SNAP91: variants seen among roughly 807,000 people sequenced by gnomAD.
The protein encoded by SNAP91 is clathrin coat assembly protein AP180.
In SNAP91, 27 loss-of-function variants were observed where a neutral mutation model predicts 100.3. That is an observed-to-expected ratio of 0.27 (90% confidence interval 0.20 to 0.37). SNAP91 has a LOEUF of 0.37. SNAP91 is among the 10% of genes least tolerant of loss of function. The pLI, the probability that SNAP91 is intolerant of heterozygous loss-of-function variation, is 1.00. For missense variants in SNAP91, 986 were observed against 1,123.7 expected (o/e 0.88, Z 1.75); for synonymous variants, 404 against 398.6 (o/e 1.01, Z -0.16).
intron 6 of SNAP91, among the ~76,000 whole-genome samples, chr6:83,657,182 T>C (rs2098427824): frequency 6.6e-6 from 1 of 152,200 alleles, no homozygotes; most frequent in Non-Finnish European, 1.5e-5. Context: ...TACTGTTATG[T>C]TACATTTCTT....
In SNAP91 at chr6:83,610,684, G is replaced by T; in HGVS notation, c.885-7C>A. On this transcript the variant is annotated splice_polypyrimidine_tract_variant and splice_region_variant and intron_variant, in intron 11 of 29. Coordinates refer to ENST00000369694, the MANE Select transcript of SNAP91 (RefSeq NM_001242792.2). ...TGGAGAGGGAGCACCAGATCTAAAA[G>T]GCAACATAAAAAAAAATTAAAACTG... 2.4e-6 allele frequency: 1 copy of T among 424,864 alleles called. No individual in the cohort carries two copies. Among genetic ancestry groups the T allele is most frequent in the Non-Finnish European group, 4.4e-6 (1 of 227,376 alleles). 26.3% of individuals were successfully genotyped at this position (424,864 alleles called of 1,614,324 possible).
At position 83,665,424 on chromosome 6, in the gene SNAP91, G is replaced by T; in HGVS notation, c.273+15C>A. 1 of 1,604,948 alleles carries T rather than the reference G, an allele frequency of 6.2e-7. No homozygotes were observed. The highest frequency in any genetic ancestry group is 8.5e-7 in the Non-Finnish European group (1 of 1,176,230). On this transcript the variant is annotated intron_variant, in intron 3 of 29. Transcript: ENST00000369694. ...TCCTTCCTCCATCAAAAAAAGAAAA[G>T]TTTACTTAGTTTACCTCATTTCCAT... is the stretch of plus-strand genomic sequence containing the variant.
intron 2 of SNAP91, among the ~76,000 whole-genome samples, chr6:83,700,686 T>A (rs980496281): frequency 6.6e-6 from 1 of 152,030 alleles, no homozygotes; most frequent in Non-Finnish European, 1.5e-5. Flanking sequence ...AATGGCATGA[T>A]CATGGCTCAT....
intron 2 of SNAP91, among the ~76,000 whole-genome samples, chr6:83,691,373 T>A (rs1439468970): frequency 6.6e-6 from 1 of 152,160 alleles, no homozygotes; most frequent in Non-Finnish European, 1.5e-5. Flanking sequence ...TAAATTCTGT[T>A]ATATGGTTCT....
intron 26 of SNAP91, among the ~76,000 whole-genome samples, chr6:83,565,708 G>T (rs1362121949): frequency 6.6e-6 from 1 of 152,156 alleles, no homozygotes; most frequent in East Asian, 1.9e-4. Flanking sequence ...CACATGAAAA[G>T]ATGTTAAACA....
chr6:83,688,198 C>T (rs1215665429), intron 2 of SNAP91, among the ~76,000 whole-genome samples: 1 of 152,116 alleles, frequency 6.6e-6, no homozygotes, highest in Non-Finnish European at 1.5e-5. Flanking sequence ...CTTATTCAGG[C>T]TCTTATTCTC....
rs1562095262 is a variant in SNAP91 at position 83,560,957 on chromosome 6, T to C, written c.2443-10A>G. ...GAGGTACAGCTCCTTGCTACACAGA[T>C]AGACAGACATACACATATAAATAAC... On this transcript the variant is annotated splice_polypyrimidine_tract_variant and intron_variant, in intron 26 of 29. Transcript: ENST00000369694. 4.4e-6 allele frequency: 7 copies of C among 1,584,076 alleles called. No individual in the cohort carries two copies. In the South Asian group the frequency reaches 4.6e-5, roughly 10 times the overall value.
At chr6:83,654,863 G>C (rs754519317) in intron 7 of SNAP91, among the ~76,000 whole-genome samples, 2 of 152,096 alleles carry the variant, frequency 1.3e-5, no homozygotes, top group African/African-American at 2.4e-5. Context: ...GTAGCTCCTG[G>C]TACCTCATAG....
intron 2 of SNAP91, among the ~76,000 whole-genome samples, chr6:83,673,176 CTCTT>C (rs112721412): frequency 0.027 from 4,108 of 152,216 alleles, 168 homozygotes; most frequent in African/African-American, 0.092. Flanking sequence ...CTTCCTTCTT[CTCTT>C]TCTGTTATGG....
intron 29 of SNAP91, among the ~76,000 whole-genome samples, chr6:83,555,324 T>C (rs747750116): frequency 1.3e-4 from 20 of 152,176 alleles, no homozygotes; most frequent in African/African-American, 1.9e-4. Flanking sequence ...GAAAACAACA[T>C]TGGACAAGAG....
intron 23 of SNAP91, among the ~76,000 whole-genome samples, 191 bp downstream of exon 23, chr6:83,582,031 C>T (rs1169010386): frequency 1.3e-5 from 2 of 152,090 alleles, no homozygotes; most frequent in Non-Finnish European, 2.9e-5. Context: ...GCAGGTTATT[C>T]TTATGGATAC....
intron 22 of SNAP91, among the ~76,000 whole-genome samples, 183 bp from the exon 23 acceptor site, chr6:83,582,539 T>C (rs1286831794): frequency 1.3e-5 from 2 of 152,198 alleles, no homozygotes; most frequent in East Asian, 3.8e-4. Flanking sequence ...AAATCTGACA[T>C]GCATTAATGA....
At chr6:83,706,429 G>A (rs2099384715) in intron 2 of SNAP91, among the ~76,000 whole-genome samples, 1 of 152,142 alleles carries the variant, frequency 6.6e-6, no homozygotes, top group African/African-American at 2.4e-5. Context: ...ATCCTGTACT[G>A]CATATATAAC....
At chr6:83,661,647 C>G (rs201872118) in intron 4 of SNAP91, 43 bp from the exon 5 acceptor site, 1 of 1,146,490 alleles carries the variant, frequency 8.7e-7, no homozygotes, top group South Asian at 1.4e-5. Context: ...TAATAAAATA[C>G]CTTCAACTGT....
At chr6:83,620,588 TGAA>T (rs2128392298) in intron 9 of SNAP91, among the ~76,000 whole-genome samples, 2 of 152,288 alleles carry the variant, frequency 1.3e-5, no homozygotes, top group South Asian at 4.1e-4. Context: ...TACACAGGAA[TGAA>T]GAAGGGTGTT....
chr6:83,674,745 C>T (rs888787157), intron 2 of SNAP91, among the ~76,000 whole-genome samples: 2 of 152,020 alleles, frequency 1.3e-5, no homozygotes, highest in African/African-American at 4.8e-5. Flanking sequence ...GGTTATATTT[C>T]GGGAAGGAGA....
intron 2 of SNAP91, among the ~76,000 whole-genome samples, chr6:83,695,326 AAAAG>A (rs983599931): frequency 2.0e-5 from 3 of 151,484 alleles, no homozygotes; most frequent in African/African-American, 4.8e-5. Context: ...AAAAGAAAAG[AAAAG>A]AAAGAAAACT....
At position 83,560,177 on chromosome 6, in the gene SNAP91, G is replaced by A; in HGVS notation, c.2558C>T (p.Pro853Leu). The change falls in exon 28 of 30, where the codon CCT (proline) becomes CTT (leucine). Residue 853 changes from proline to leucine, a missense_variant. Coordinates refer to ENST00000369694, the MANE Select transcript of SNAP91 (RefSeq NM_001242792.2). ...PPAGTGMPMM[P>L]QQPVMFAQPM... ...CTGTGCAAACATGACCGGCTGCTGA[G>A]GCATCATGGGCATGCCTGTCCCAGC... 6.2e-7 allele frequency: 1 copy of A among 1,613,932 alleles called. No individual in the cohort carries two copies. The highest frequency in any genetic ancestry group is 8.5e-7 in the Non-Finnish European group (1 of 1,179,888).
At chr6:83,602,893 G>T (rs1420780642) in intron 14 of SNAP91, among the ~76,000 whole-genome samples, 2 of 152,066 alleles carry the variant, frequency 1.3e-5, no homozygotes, top group African/African-American at 4.8e-5. Context: ...TGCATGCGGG[G>T]CTTAAAACCT....
Sources: allele counts gnomAD v4.1 joint callset (sites outside exome capture counted in the v4.1 genomes callset), GRCh38; gene constraint gnomAD v4.1.1; transcripts MANE v1.5; gene names NCBI Gene and HGNC (gene_info 2026-07-23, HGNC 2026-07-21).